Variants in ERICH3 observed in about 807,000 individuals in gnomAD.
ERICH3 encodes glutamate-rich protein 3.
Under a neutral mutation model 131.1 loss-of-function variants are expected in ERICH3, and 126 were observed. The ratio of observed to expected loss-of-function variants is 0.96; its 90% CI spans 0.83 to 1.11. The LOEUF is 1.11. Among genes scored for constraint, ERICH3 ranks in the 50% most tolerant of loss-of-function variants. The pLI is 0.00. For synonymous variants in ERICH3, 695 were observed against 644.6 expected (o/e 1.08, Z -1.18); for missense variants, 2,050 against 1,810.7 (o/e 1.13, Z -2.40).
chr1:74,662,823 T>C (rs1378278), intron 1 of ERICH3, among the ~76,000 whole-genome samples: 2 of 151,898 alleles, frequency 1.3e-5, no homozygotes, highest in Non-Finnish European at 2.9e-5. Flanking sequence ...ACTGAAATTA[T>C]ACCATGTTTT....
intron 11 of ERICH3, among the ~76,000 whole-genome samples, chr1:74,592,967 A>C (rs1236751615): frequency 6.6e-6 from 1 of 152,180 alleles, no homozygotes; most frequent in African/African-American, 2.4e-5. Context: ...CTTTGAGAGC[A>C]CGTATGTAAA....
chr1:74,570,962 G>A (rs1260605767), intron 14 of ERICH3, 137 bp downstream of exon 14: 2 of 1,201,396 alleles, frequency 1.7e-6, no homozygotes, highest in East Asian at 5.0e-5. Flanking sequence ...ACAGGCTTAG[G>A]GCTAAGTGAC....
At chr1:74,579,875 T>C in intron 12 of ERICH3, 5 of 984,988 alleles carry the variant, frequency 5.1e-6, no homozygotes, top group Non-Finnish European at 6.0e-6. Context: ...AGTTGCCAAA[T>C]GGAATTGTCA....
At chr1:74,598,604 A>G (rs1647968129) in intron 11 of ERICH3, among the ~76,000 whole-genome samples, 1 of 151,920 alleles carries the variant, frequency 6.6e-6, no homozygotes, top group Non-Finnish European at 1.5e-5. Flanking sequence ...AGAAATGAGT[A>G]AAGCAAGCAA....
intron 7 of ERICH3, among the ~76,000 whole-genome samples, chr1:74,626,903 C>T (rs886682354): frequency 6.6e-6 from 1 of 152,156 alleles, no homozygotes. Context: ...TTGTTCTACA[C>T]ATTCATAGAG....
intron 1 of ERICH3, among the ~76,000 whole-genome samples, chr1:74,671,786 A>T (rs762403798): frequency 6.6e-6 from 1 of 152,182 alleles, no homozygotes; most frequent in Non-Finnish European, 1.5e-5. Flanking sequence ...TCTAGATTGG[A>T]TGCACCATCC....
intron 11 of ERICH3, chr1:74,592,242 C>T (rs1197982769): frequency 6.6e-6 from 1 of 152,174 alleles, no homozygotes; most frequent in African/African-American, 2.4e-5. Context: ...ATCACATACT[C>T]TAGCTACTCA....
intron 2 of ERICH3, 32 bp from the exon 3 acceptor site, chr1:74,646,824 T>C (rs749851771): frequency 1.6e-6 from 2 of 1,290,088 alleles, no homozygotes; most frequent in Middle Eastern, 2.8e-4. Context: ...TACATAGAAA[T>C]ATAAAATAGA....
chr1:74,645,283 T>C (rs540839103), intron 3 of ERICH3, among the ~76,000 whole-genome samples: 1 of 152,074 alleles, frequency 6.6e-6, no homozygotes, highest in Non-Finnish European at 1.5e-5. Context: ...TTATGGCTTG[T>C]TGCATGAGTG....
rs568552317 is a variant in ERICH3 at position 74,641,001 on chromosome 1, T to C, written c.444+330A>G. ...ATAGCTAATTTGAGGTCATATGGTT[T>C]AGGGTCTTAAATGTCACCTGAGAGT... On this transcript the variant is annotated intron_variant, in intron 5 of 14. Coordinates refer to ENST00000326665, the MANE Select transcript of ERICH3 (RefSeq NM_001002912.5). Among the ~76,000 whole-genome samples, 7 of 152,232 alleles carry C rather than the reference T, an allele frequency of 4.6e-5. 1 individual carries two copies. The East Asian group carries it at 1.4e-3, about 29-fold the overall frequency.
At chr1:74,578,232 T>C in intron 12 of ERICH3, 1 of 158,548 alleles carries the variant, frequency 6.3e-6, no homozygotes, top group Non-Finnish European at 1.4e-5. Flanking sequence ...AGAGAGCATC[T>C]TCATCTTCCA....
chr1:74,579,552 G>C lies in ERICH3; in HGVS notation c.2177-2616C>G, dbSNP rs189705506. ...GTGTTGCCTATTTCAGATTCAGCAA[G>C]AATGGGATGCTGGCCTAAGTATCAA... On this transcript the variant is annotated intron_variant, in intron 12 of 14. Transcript: ENST00000326665. 23 of 985,398 alleles carry C rather than the reference G, an allele frequency of 2.3e-5. No homozygotes were observed. The Admixed American group carries it at 5.5e-4, about 24-fold the overall frequency. The allele number at this position is 985,398 out of a possible 1,614,324, so 61.0% of individuals were successfully genotyped here. A position where few individuals can be genotyped will look rare whatever the true frequency, so the allele number is the denominator to read the frequency against.
intron 12 of ERICH3, chr1:74,579,913 C>CTTT: frequency 1.2e-6 from 1 of 806,732 alleles, no homozygotes; most frequent in Non-Finnish European, 1.5e-6. Flanking sequence ...AGAAAGTCAG[C>CTTT]TTTTTTTTTT....
intron 5 of ERICH3, among the ~76,000 whole-genome samples, chr1:74,638,001 C>G (rs186398044): frequency 1.9e-4 from 29 of 151,888 alleles, no homozygotes; most frequent in Admixed American, 1.2e-3. Flanking sequence ...AGTAGAAAGT[C>G]TATCAAGAAT....
chr1:74,639,532 G>A (rs1646419517), intron 5 of ERICH3, among the ~76,000 whole-genome samples: 1 of 152,066 alleles, frequency 6.6e-6, no homozygotes, highest in South Asian at 2.1e-4. Flanking sequence ...AATAAATATG[G>A]CATTGTAGCT....
rs1646961410 is a variant in ERICH3, at chr1:74,572,091, C to G, written c.3619G>C (p.Gly1207Arg). Residue 1207 changes from glycine to arginine, a missense_variant, in exon 14 of 15, where the codon GGG becomes CGG. Gly to Arg is a moderately radical substitution (Grantham distance 125). Coordinates refer to ENST00000326665, the MANE Select transcript of ERICH3 (RefSeq NM_001002912.5). Reference protein sequence around the residue: ...SSRENRALKEGHRQDGEGALA... With the variant: ...SSRENRALKERHRQDGEGALA... ...GCCCCCTCTCCATCTTGGCGGTGCC[C>G]TTCCTTCAGGGCCCTATTCTCCCTG... The G allele has an allele frequency of 4.3e-6, 7 of 1,614,232 alleles. No individual in the cohort carries two copies. The South Asian group carries it at 6.6e-5, about 15-fold the overall frequency.
intron 5 of ERICH3, among the ~76,000 whole-genome samples, chr1:74,639,598 C>T (rs1646420137): frequency 6.6e-6 from 1 of 152,140 alleles, no homozygotes; most frequent in Admixed American, 6.6e-5. Context: ...CTGGTGATTA[C>T]TTAGCTTAGC....
chr1:74,580,890 A>G (rs1306426531), intron 12 of ERICH3, among the ~76,000 whole-genome samples: 1 of 152,148 alleles, frequency 6.6e-6, no homozygotes, highest in South Asian at 2.1e-4. Flanking sequence ...CATAATACCC[A>G]ATAAGTAGTT....
chr1:74,664,712 A>G (rs939391149), intron 1 of ERICH3, among the ~76,000 whole-genome samples: 1 of 152,194 alleles, frequency 6.6e-6, no homozygotes, highest in Non-Finnish European at 1.5e-5. Flanking sequence ...GTTTATGACT[A>G]TTATAGAAAA....
Sources: gnomAD v4.1 joint callset for allele counts (sites outside exome capture counted in the v4.1 genomes callset) on GRCh38, gnomAD v4.1.1 for gene constraint, MANE v1.5 for transcripts, NCBI Gene and HGNC (gene_info 2026-07-23, HGNC 2026-07-21) for gene names.